The following LRRC7 variants were observed in gnomAD, a reference collection of about 807,000 sequenced individuals.
LRRC7 encodes leucine rich repeat containing 7.
LRRC7 carries 23 observed loss-of-function variants against 175.7 expected under a neutral mutation model. The ratio of observed to expected loss-of-function variants is 0.13; its 90% CI spans 0.09 to 0.19. The LOEUF is 0.19. Among genes scored for constraint, LRRC7 ranks in the 10% least tolerant of loss-of-function variants. The pLI is 1.00. For missense variants in LRRC7, 1,354 were observed against 1,904.7 expected (o/e 0.71, Z 5.38); for synonymous variants, 685 against 680.9 (o/e 1.01, Z -0.09).
intron 2 of LRRC7, among the ~76,000 whole-genome samples, chr1:69,712,497 A>G (rs1413148851): frequency 3.9e-5 from 6 of 152,000 alleles, no homozygotes; most frequent in African/African-American, 1.4e-4. Flanking sequence ...CAAGCTATTC[A>G]GGAGGCAGAG....
At chr1:69,660,978 T>G (rs1338749016) in intron 1 of LRRC7, among the ~76,000 whole-genome samples, 3 of 152,014 alleles carry the variant, frequency 2.0e-5, no homozygotes, top group Non-Finnish European at 4.4e-5. Context: ...TACATTAATA[T>G]AAATAACTTA....
At chr1:70,106,214 T>A (rs1201676437) in intron 25 of LRRC7, among the ~76,000 whole-genome samples, 1 of 152,206 alleles carries the variant, frequency 6.6e-6, no homozygotes, top group Non-Finnish European at 1.5e-5. Context: ...GATTTTTATG[T>A]GTTCAGAGTT....
chr1:69,878,073 A>C (rs1686205495), intron 7 of LRRC7, among the ~76,000 whole-genome samples: 1 of 152,136 alleles, frequency 6.6e-6, no homozygotes, highest in Non-Finnish European at 1.5e-5. Flanking sequence ...AGAAGAAAAC[A>C]AGTCAAGATA....
At chr1:69,725,215 T>A (rs1389592889) in intron 2 of LRRC7, among the ~76,000 whole-genome samples, 4 of 152,108 alleles carry the variant, frequency 2.6e-5, no homozygotes. Context: ...AAGTGGATCA[T>A]CATAAAGGTC....
At chr1:69,765,899 A>T (rs1671572237) in intron 3 of LRRC7, among the ~76,000 whole-genome samples, 1 of 152,090 alleles carries the variant, frequency 6.6e-6, no homozygotes, top group Non-Finnish European at 1.5e-5. Flanking sequence ...TTGCATTATC[A>T]AATAAAAATA....
At chr1:69,723,023 G>A (rs932392873) in intron 2 of LRRC7, among the ~76,000 whole-genome samples, 5 of 151,904 alleles carry the variant, frequency 3.3e-5, no homozygotes, top group African/African-American at 1.2e-4. Flanking sequence ...ATTTTTAAAG[G>A]TATATGAGGT....
At chr1:70,024,146 G>A (rs1294777099) in intron 17 of LRRC7, among the ~76,000 whole-genome samples, 4 of 151,904 alleles carry the variant, frequency 2.6e-5, no homozygotes, top group African/African-American at 7.3e-5. Flanking sequence ...ATTGCTATAA[G>A]TTTCTTTTCT....
intron 2 of LRRC7, among the ~76,000 whole-genome samples, chr1:69,695,937 G>A (rs1662525953): frequency 6.6e-6 from 1 of 152,206 alleles, no homozygotes; most frequent in Non-Finnish European, 1.5e-5. Flanking sequence ...ACCTGCTGCA[G>A]AGACAGAGGC....
intron 1 of LRRC7, among the ~76,000 whole-genome samples, chr1:69,678,069 C>T (rs557700939): frequency 6.6e-6 from 1 of 152,100 alleles, no homozygotes; most frequent in South Asian, 2.1e-4. Flanking sequence ...TCAAATCACA[C>T]TGGGGGCTGG....
intron 8 of LRRC7, among the ~76,000 whole-genome samples, chr1:69,946,038 T>C (rs1351504949): frequency 6.6e-6 from 1 of 152,194 alleles, no homozygotes; most frequent in Non-Finnish European, 1.5e-5. Flanking sequence ...CAGTGTGCAT[T>C]CTTGTCTTGT....
At position 70,123,674 on chromosome 1, in the gene LRRC7, T is replaced by C. The variant is rs1053284421; in HGVS notation, c.*1787T>C. Among the ~76,000 whole-genome samples the C allele has an allele frequency of 1.3e-5, 2 of 152,196 alleles. No homozygotes were observed. Among genetic ancestry groups the C allele is most frequent in the Non-Finnish European group, 2.9e-5 (2 of 68,030 alleles). On this transcript the variant is annotated 3_prime_UTR_variant, in exon 27 of 27. Coordinates refer to ENST00000651989, the MANE Select transcript of LRRC7 (RefSeq NM_001370785.2). Reference sequence around the variant, plus strand: ...ATTTAGTATGTTTCCCAGAAGTAACTTTTAAATGCATTTTAATATATTGAG... The same window carrying C: ...ATTTAGTATGTTTCCCAGAAGTAACCTTTAAATGCATTTTAATATATTGAG...
intron 23 of LRRC7, among the ~76,000 whole-genome samples, 153 bp downstream of exon 23, chr1:70,053,298 A>G (rs1425120769): frequency 6.6e-6 from 1 of 152,244 alleles, no homozygotes; most frequent in Admixed American, 6.5e-5. Context: ...GACTGTAAGT[A>G]CATTGAAATG....
At chr1:69,798,667 A>G (rs1676092622) in intron 4 of LRRC7, among the ~76,000 whole-genome samples, 1 of 152,206 alleles carries the variant, frequency 6.6e-6, no homozygotes, top group Non-Finnish European at 1.5e-5. Context: ...ATAAAAGGTT[A>G]GAGAAACTTG....
rs992568198 is a variant in LRRC7 at position 70,127,043 on chromosome 1, G to T, written c.*5156G>T. On this transcript the variant is annotated 3_prime_UTR_variant, in exon 27 of 27. Transcript: ENST00000651989. Reference sequence around the variant, plus strand: ...ACAGATGGTTACAGCTCCCAATTTGGGAGGAACTTTCTTGGGTAACGCAGG... The same window carrying T: ...ACAGATGGTTACAGCTCCCAATTTGTGAGGAACTTTCTTGGGTAACGCAGG... Among the ~76,000 whole-genome samples, 3 of 152,136 alleles carry T rather than the reference G, an allele frequency of 2.0e-5. No homozygotes were observed. Among genetic ancestry groups the T allele is most frequent in the Admixed American group, 6.5e-5 (1 of 15,288 alleles).
chr1:69,738,001 T>C (rs1288375040), intron 2 of LRRC7, among the ~76,000 whole-genome samples: 1 of 152,038 alleles, frequency 6.6e-6, no homozygotes, highest in Non-Finnish European at 1.5e-5. Context: ...GTGGACTCTA[T>C]TGCACTTGTC....
chr1:69,991,390 G>T (rs1031384633), intron 10 of LRRC7, among the ~76,000 whole-genome samples: 5 of 152,034 alleles, frequency 3.3e-5, no homozygotes, highest in African/African-American at 1.2e-4. Context: ...TGACCTGAAT[G>T]GTTCTCAAAG....
At chr1:70,066,126 G>C (rs1661955180) in intron 23 of LRRC7, among the ~76,000 whole-genome samples, 1 of 151,936 alleles carries the variant, frequency 6.6e-6, no homozygotes, top group Non-Finnish European at 1.5e-5. Context: ...TGGCCAGACA[G>C]TTAGACCTTC....
intron 3 of LRRC7, among the ~76,000 whole-genome samples, chr1:69,787,454 G>A (rs1318100593): frequency 5.3e-5 from 8 of 152,196 alleles, no homozygotes. Context: ...TCTCCATGAG[G>A]GCCCTGCCCC....
chr1:69,632,383 A>G (rs1652651436), intron 1 of LRRC7, among the ~76,000 whole-genome samples: 1 of 152,190 alleles, frequency 6.6e-6, no homozygotes, highest in Non-Finnish European at 1.5e-5. Flanking sequence ...TTAAATTTAC[A>G]GTTAGCTGAG....
Sources: allele counts gnomAD v4.1 joint callset (sites outside exome capture counted in the v4.1 genomes callset), GRCh38; gene constraint gnomAD v4.1.1; transcripts MANE v1.5; gene names NCBI Gene and HGNC (gene_info 2026-07-23, HGNC 2026-07-21).